The following PAK3 variants were observed in gnomAD, a reference collection of about 807,000 sequenced individuals.
PAK3 encodes the protein p21 (RAC1) activated kinase 3.
Under a neutral mutation model 41.0 loss-of-function variants are expected in PAK3, and 4 were observed. The observed-to-expected ratio is 0.10, with a 90% CI of 0.05 to 0.22. The LOEUF is 0.22. Ranked by LOEUF, PAK3 falls within the 10% of genes least tolerant of loss-of-function variation. The probability of loss-of-function intolerance (pLI) is 1.00; values close to 1 mark genes in which losing one functional copy is unlikely to be tolerated. For synonymous variants in PAK3, 146 were observed against 139.6 expected, an observed-to-expected ratio of 1.05 and a Z score of -0.32; for missense variants, 205 against 409.9, an observed-to-expected ratio of 0.50 and a Z score of 4.32.
chrX:111,039,709 C>G (rs1489354596), intron 1 of PAK3, among the ~76,000 whole-genome samples: 1 of 111,100 alleles, frequency 9.0e-6, no homozygotes, highest in Non-Finnish European at 1.9e-5. Context: ...AGATTGTAGC[C>G]CACACAGATG....
At chrX:111,172,168 C>A (rs941306919) in intron 10 of PAK3, among the ~76,000 whole-genome samples, 3 of 111,302 alleles carry the variant, frequency 2.7e-5, no homozygotes, top group Admixed American at 9.6e-5. Flanking sequence ...GCGATTATAC[C>A]AATTTATGTA....
chrX:110,947,566 G>GTTA (rs1431240635), intron 1 of PAK3, among the ~76,000 whole-genome samples: 1 of 111,855 alleles, frequency 8.9e-6, no homozygotes, highest in East Asian at 2.8e-4. Flanking sequence ...TTGTGGTCAA[G>GTTA]TTAAGTTTTG....
intron 1 of PAK3, among the ~76,000 whole-genome samples, chrX:111,029,321 C>T (rs1404858387): frequency 9.0e-6 from 1 of 111,194 alleles, no homozygotes; most frequent in East Asian, 2.8e-4. Flanking sequence ...ACCCTGGAAC[C>T]ATATGGGAGT....
intron 1 of PAK3, among the ~76,000 whole-genome samples, chrX:110,991,593 G>A (rs936726278): frequency 8.9e-6 from 1 of 112,147 alleles, no homozygotes; most frequent in Admixed American, 9.4e-5. Context: ...GCATTCAATA[G>A]ATGTTAGCTG....
intron 16 of PAK3, among the ~76,000 whole-genome samples, chrX:111,198,843 G>C (rs2094645907): frequency 9.0e-6 from 1 of 111,338 alleles, no homozygotes; most frequent in Non-Finnish European, 1.9e-5. Context: ...TTTTAGAATA[G>C]TTTATTCTAA....
intron 3 of PAK3, among the ~76,000 whole-genome samples, chrX:111,102,862 G>A (rs2093170053): frequency 8.9e-6 from 1 of 112,339 alleles, no homozygotes; most frequent in Non-Finnish European, 1.9e-5. Context: ...TTCTCAGCTT[G>A]TAACTCCCAA....
At chrX:110,958,030 G>A (rs184555716) in intron 1 of PAK3, among the ~76,000 whole-genome samples, 70 of 112,018 alleles carry the variant, frequency 6.2e-4, no homozygotes, top group African/African-American at 2.1e-3. Flanking sequence ...ACTTCATTGA[G>A]ATGGTTGAGG....
chrX:111,113,352 T>C (rs1007278345), intron 4 of PAK3, among the ~76,000 whole-genome samples: 6 of 111,623 alleles, frequency 5.4e-5, no homozygotes, highest in Non-Finnish European at 1.1e-4. Context: ...TATTCTTCTC[T>C]CTTTGTATGC....
intron 1 of PAK3, among the ~76,000 whole-genome samples, chrX:111,016,210 A>C (rs774387527): frequency 3.6e-5 from 4 of 112,251 alleles, no homozygotes; most frequent in African/African-American, 1.3e-4. Flanking sequence ...TTATTTTTTT[A>C]GTTAACTGGA....
Position 111,200,406 on chromosome X carries a change from A to G in PAK3, c.1407+3766A>G, listed in dbSNP as rs773671933. ...CCCTGTGCTGATTAGAAAACAACAG[A>G]TATGAGGGAATGCCCTAATGAATGC... On this transcript the variant is annotated intron_variant, in intron 16 of 17. Coordinates refer to ENST00000372007, the MANE Select transcript of PAK3 (RefSeq NM_002578.5). Among the ~76,000 whole-genome samples the G allele has an allele frequency of 5.4e-5, 6 of 111,910 alleles. No individual in the cohort carries two copies. The South Asian group carries it at 2.2e-3, about 42-fold the overall frequency.
intron 1 of PAK3, among the ~76,000 whole-genome samples, chrX:111,013,602 C>T (rs1275660887): frequency 9.0e-6 from 1 of 111,077 alleles, no homozygotes; most frequent in East Asian, 2.8e-4. Flanking sequence ...TTTGTTGGAG[C>T]CCAATCTAAA....
chrX:111,095,343 T>A (rs1200792377), upstream of PAK3, among the ~76,000 whole-genome samples: 1 of 112,337 alleles, frequency 8.9e-6, no homozygotes, highest in African/African-American at 3.2e-5. Context: ...TTTGTATTAT[T>A]TGACTTTTTA....
chrX:111,006,849 C>CTTTCTTTCTTTCTT (rs1556434441), intron 1 of PAK3, among the ~76,000 whole-genome samples: 638 of 42,694 alleles, frequency 0.015, 13 homozygotes, highest in East Asian at 0.021. Flanking sequence ...TTCTTTCTTT[C>CTTTCTTTCTTTCTT]TTTTTTTTTT....
chrX:111,199,129 C>T (rs2094649300), intron 16 of PAK3, among the ~76,000 whole-genome samples: 2 of 111,198 alleles, frequency 1.8e-5, no homozygotes, highest in African/African-American at 6.5e-5. Context: ...CTTAACTGGA[C>T]ATCGTTGGTG....
intron 10 of PAK3, among the ~76,000 whole-genome samples, chrX:111,172,434 C>T (rs969931926): frequency 3.6e-5 from 4 of 111,494 alleles, no homozygotes; most frequent in African/African-American, 9.8e-5. Flanking sequence ...GCTTGGGACT[C>T]TAATGATGCC....
chrX:110,990,185 C>A (rs1331612695), intron 1 of PAK3, among the ~76,000 whole-genome samples: 1 of 111,594 alleles, frequency 9.0e-6, no homozygotes, highest in Non-Finnish European at 1.9e-5. Context: ...GCCTCTCCGG[C>A]ACTCAATTTC....
intron 1 of PAK3, among the ~76,000 whole-genome samples, chrX:110,969,974 T>C (rs936427379): frequency 8.9e-6 from 1 of 112,258 alleles, no homozygotes; most frequent in African/African-American, 3.2e-5. Flanking sequence ...TATCCATTTA[T>C]CTAGGTCTTT....
intron 1 of PAK3, among the ~76,000 whole-genome samples, chrX:110,992,158 G>T (rs937884841): frequency 5.4e-5 from 6 of 110,527 alleles, no homozygotes; most frequent in Non-Finnish European, 1.1e-4. Flanking sequence ...CCTAAAGGAG[G>T]TGAGGGAGTA....
chrX:110,965,098 G>A (rs1569497486), intron 1 of PAK3, among the ~76,000 whole-genome samples: 1 of 111,999 alleles, frequency 8.9e-6, no homozygotes, highest in African/African-American at 3.2e-5. Flanking sequence ...ATGAATCTGG[G>A]ATTGCTGCTG....
Sources: gnomAD v4.1 joint callset for allele counts (sites outside exome capture counted in the v4.1 genomes callset) on GRCh38, gnomAD v4.1.1 for gene constraint, MANE v1.5 for transcripts, NCBI Gene and HGNC (gene_info 2026-07-23, HGNC 2026-07-21) for gene names.